The following PDZD9 variants were observed in gnomAD, a reference collection of about 807,000 sequenced individuals.
PDZD9 encodes PDZ domain containing 9.
Under a neutral mutation model 16.3 loss-of-function variants are expected in PDZD9, and 13 were observed. The ratio of observed to expected loss-of-function variants is 0.80; its 90% CI spans 0.52 to 1.27. The LOEUF (loss-of-function observed/expected upper bound fraction) is 1.27. Among genes scored for constraint, PDZD9 ranks in the 50% most tolerant of loss-of-function variants. The pLI is 0.00. For synonymous variants in PDZD9, 120 were observed against 111.0 expected, an observed-to-expected ratio of 1.08 and a Z score of -0.51; for missense variants, 288 against 310.9, an observed-to-expected ratio of 0.93 and a Z score of 0.55.
chr16:21,980,729 C>A, downstream of PDZD9: 1 of 1,610,826 alleles, frequency 6.2e-7, no homozygotes, highest in Non-Finnish European at 8.5e-7. Flanking sequence ...AACGATTTAA[C>A]AACAGAGAAC....
chr16:21,972,070 C>A, the PDZD9 span: 1 of 1,613,948 alleles, frequency 6.2e-7, no homozygotes, highest in South Asian at 1.1e-5. Context: ...GGCAGCAACA[C>A]CACCAGCCAT....
the PDZD9 span, among the ~76,000 whole-genome samples, chr16:21,977,419 C>T: frequency 6.6e-6 from 1 of 151,932 alleles, no homozygotes; most frequent in Non-Finnish European, 1.5e-5. Flanking sequence ...ATAATCATAC[C>T]ACCAGTATAT....
chr16:21,961,670 T>TATATATATATATA, the PDZD9 span, among the ~76,000 whole-genome samples: 9 of 48,732 alleles, frequency 1.8e-4, no homozygotes, highest in Non-Finnish European at 5.2e-4. Context: ...ATATATATAT[T>TATATATATATATA]TTAGACAGTC....
chr16:21,972,811 T>C, the PDZD9 span, among the ~76,000 whole-genome samples: 2,869 of 150,306 alleles, frequency 0.019, 32 homozygotes, highest in Middle Eastern at 0.053. Context: ...TTAAAGAAAT[T>C]GAAGTCCAGG....
At chr16:21,974,354 A>G in the PDZD9 span, among the ~76,000 whole-genome samples, 1 of 152,186 alleles carries the variant, frequency 6.6e-6, no homozygotes, top group African/African-American at 2.4e-5. Flanking sequence ...AAGAAAACTA[A>G]AGCTCAATTT....
the PDZD9 span, chr16:21,968,767 GAAC>G: frequency 7.6e-7 from 1 of 1,308,024 alleles, no homozygotes; most frequent in Non-Finnish European, 1.0e-6. Context: ...ACATAGGATT[GAAC>G]AAAATTTGAA....
the PDZD9 span, among the ~76,000 whole-genome samples, chr16:21,961,625 T>TA: frequency 6.7e-5 from 6 of 89,672 alleles, no homozygotes; most frequent in Non-Finnish European, 1.3e-4. Flanking sequence ...TAACATAAAA[T>TA]TTATATATAT....
downstream of PDZD9, chr16:21,983,255 T>A (rs546513901): frequency 1.0e-4 from 129 of 1,246,538 alleles, no homozygotes; most frequent in Middle Eastern, 3.8e-4. Flanking sequence ...GTCTCTAATA[T>A]ATCATTTGTC....
At chr16:21,983,362 T>C, downstream of PDZD9, 1 of 536,610 alleles carries the variant, frequency 1.9e-6, no homozygotes. Context: ...TTTTCTTACG[T>C]TTTTCTCAAT....
At chr16:21,965,993 T>C in the PDZD9 span, among the ~76,000 whole-genome samples, 1 of 152,070 alleles carries the variant, frequency 6.6e-6, no homozygotes, top group African/African-American at 2.4e-5. Flanking sequence ...CTGTGTATCT[T>C]TTTTAAACAG....
chr16:21,992,128 C>T (rs906569555), intron 2 of PDZD9, among the ~76,000 whole-genome samples: 22 of 152,124 alleles, frequency 1.4e-4, no homozygotes, highest in Non-Finnish European at 1.5e-5. Flanking sequence ...CTTTGGGAGA[C>T]TGAGGCAGGA....
chr16:21,980,473 C>T (rs1284909721), downstream of PDZD9: 167 of 1,511,380 alleles, frequency 1.1e-4, no homozygotes, highest in Non-Finnish European at 1.4e-4. Context: ...ATGTTCACAG[C>T]CCCCCGCCAC....
At chr16:21,982,280 C>T (rs1898751165), downstream of PDZD9, among the ~76,000 whole-genome samples, 1 of 152,118 alleles carries the variant, frequency 6.6e-6, no homozygotes, top group African/African-American at 2.4e-5. Context: ...TGCTGCTCCA[C>T]CTACACCTGA....
chr16:21,973,639 G>A, the PDZD9 span, among the ~76,000 whole-genome samples: 2 of 152,064 alleles, frequency 1.3e-5, no homozygotes, highest in Non-Finnish European at 2.9e-5. Context: ...ATCTAAAGCA[G>A]GTTAGAAAAT....
chr16:21,995,783 TTTTA>T (rs1294597367), intron 2 of PDZD9, among the ~76,000 whole-genome samples: 2 of 151,926 alleles, frequency 1.3e-5, no homozygotes, highest in Non-Finnish European at 2.9e-5. Flanking sequence ...TTTGTATTTA[TTTTA>T]TTTATTTATT....
chr16:21,966,641 C>T, the PDZD9 span, among the ~76,000 whole-genome samples: 1 of 152,156 alleles, frequency 6.6e-6, no homozygotes, highest in Non-Finnish European at 1.5e-5. Flanking sequence ...AGTTTGATGC[C>T]TTTCATTCAT....
the PDZD9 span, among the ~76,000 whole-genome samples, chr16:21,963,383 A>G: frequency 1.3e-5 from 2 of 152,272 alleles, no homozygotes; most frequent in African/African-American, 4.8e-5. Flanking sequence ...AACATTTATA[A>G]TCATTTTTCA....
In PDZD9 at chr16:21,983,982, G is replaced by A. The variant is rs1898802563; in HGVS notation, c.*285C>T. On this transcript the variant is annotated 3_prime_UTR_variant, in exon 4 of 4. Transcript: ENST00000424898. ...AAAGTGACATTCTCTACTATGTTCA[G>A]ACATTCTGATATTGGATTTCTCTAC... 1 of 256,032 alleles carries A rather than the reference G, an allele frequency of 3.9e-6. No homozygotes were observed. The highest frequency in any genetic ancestry group is 4.9e-5 in the Admixed American group (1 of 20,228). 15.9% of individuals were successfully genotyped at this position (256,032 alleles called of 1,614,324 possible). A position where few individuals can be genotyped will look rare whatever the true frequency, so the allele number is the denominator to read the frequency against.
At chr16:21,980,176 G>T, downstream of PDZD9, 1 of 211,116 alleles carries the variant, frequency 4.7e-6, no homozygotes. Flanking sequence ...AGAGCATGCT[G>T]CGACTGGCCA....
Sources: allele counts gnomAD v4.1 joint callset (sites outside exome capture counted in the v4.1 genomes callset), GRCh38; gene constraint gnomAD v4.1.1; transcripts MANE v1.5; gene names NCBI Gene and HGNC (gene_info 2026-07-23, HGNC 2026-07-21).